Variants in ABCG1 observed in about 807,000 individuals in gnomAD.
The protein encoded by ABCG1 is ATP binding cassette subfamily G member 1, also known as ATP-binding cassette sub-family G member 1.
A neutral mutation model predicts 69.2 loss-of-function variants in ABCG1; 29 were observed. The observed-to-expected ratio is 0.42, with a 90% CI of 0.31 to 0.57. The LOEUF (loss-of-function observed/expected upper bound fraction) is 0.57, where lower values mean the gene tolerates loss of function less well. ABCG1 is among the 20% of genes least tolerant of loss of function. The pLI, the probability that ABCG1 is intolerant of heterozygous loss-of-function variation, is 0.15. For missense variants in ABCG1, 718 were observed against 898.1 expected (o/e 0.80, Z 2.56); for synonymous variants, 370 against 374.8 (o/e 0.99, Z 0.15).
At chr21:42,200,466 T>C (rs904570446) in intron 1 of ABCG1, among the ~76,000 whole-genome samples, 1 of 152,158 alleles carries the variant, frequency 6.6e-6, no homozygotes, top group Non-Finnish European at 1.5e-5. Context: ...CGTGCAGTCT[T>C]CATATATCAG....
chr21:42,294,535 A>C lies in ABCG1; in HGVS notation c.1654-7A>C. ...GCTACATCTGTCCTGTGTGCCCCCA[A>C]CTCCAGGTGGCCACTTTCGTGGGCC... On this transcript the variant is annotated splice_polypyrimidine_tract_variant and splice_region_variant and intron_variant, in intron 13 of 14. Coordinates refer to ENST00000398449, the MANE Select transcript of ABCG1 (RefSeq NM_016818.3). The C allele has an allele frequency of 6.2e-7, 1 of 1,611,140 alleles. No individual in the cohort carries two copies. Among genetic ancestry groups the C allele is most frequent in the Non-Finnish European group, 8.5e-7 (1 of 1,177,974 alleles).
intron 2 of ABCG1, among the ~76,000 whole-genome samples, chr21:42,260,711 T>G (rs192757138): frequency 1.5e-4 from 23 of 152,164 alleles, no homozygotes; most frequent in African/African-American, 5.5e-4. Context: ...GGAAGGAAAA[T>G]AGAGGCATCC....
intron 3 of ABCG1, among the ~76,000 whole-genome samples, chr21:42,272,475 G>A (rs1205954495): frequency 6.6e-6 from 1 of 152,240 alleles, no homozygotes; most frequent in Non-Finnish European, 1.5e-5. Flanking sequence ...AACAAGCTGA[G>A]TAAAGTTGGA....
At chr21:42,228,380 C>A (rs913957129) in intron 2 of ABCG1, among the ~76,000 whole-genome samples, 7 of 152,176 alleles carry the variant, frequency 4.6e-5, no homozygotes, top group Admixed American at 1.3e-4. Context: ...TGGCTTCCTA[C>A]CCACTGCCCT....
At chr21:42,285,772 G>A (rs2068927764) in intron 7 of ABCG1, 108 bp from the exon 8 acceptor site, 7 of 787,708 alleles carry the variant, frequency 8.9e-6, no homozygotes, top group Admixed American at 1.8e-5. Flanking sequence ...TGATCGCTGG[G>A]CTGACTGATT....
At chr21:42,285,505 C>CA (rs113652821) in intron 7 of ABCG1, among the ~76,000 whole-genome samples, 1,313 of 128,776 alleles carry the variant, frequency 0.01, 10 homozygotes, top group African/African-American at 0.028. Flanking sequence ...GACCCTGTAT[C>CA]AAAAAAAAAA....
intron 2 of ABCG1, among the ~76,000 whole-genome samples, chr21:42,237,779 T>C (rs1345779109): frequency 6.6e-6 from 1 of 152,216 alleles, no homozygotes; most frequent in East Asian, 1.9e-4. Flanking sequence ...CACCTCTGAC[T>C]AAGCTTCACG....
chr21:42,275,351 C>A lies in ABCG1; in HGVS notation c.538-1544C>A, dbSNP rs113625517. 2.2e-3 allele frequency among the ~76,000 whole-genome samples: 341 copies of A among 152,294 alleles called. 2 individuals are homozygous for A. Among genetic ancestry groups the A allele is most frequent in the African/African-American group, 7.5e-3 (313 of 41,558 alleles). On this transcript the variant is annotated intron_variant, in intron 4 of 14. Transcript: ENST00000398449. ...CTGGGCGGTGTGTGCCCCATGGAGC[C>A]CTGACTGCTGATCTGGCCTCCAAAT...
chr21:42,240,210 C>A (rs928376529), intron 2 of ABCG1, among the ~76,000 whole-genome samples: 1 of 152,202 alleles, frequency 6.6e-6, no homozygotes, highest in Non-Finnish European at 1.5e-5. Context: ...ACACGAGGCA[C>A]TGCTTCCATG....
chr21:42,285,511 A>G (rs1456130321), intron 7 of ABCG1, among the ~76,000 whole-genome samples: 2 of 152,134 alleles, frequency 1.3e-5, no homozygotes, highest in Non-Finnish European at 2.9e-5. Context: ...GTATCAAAAA[A>G]AAAAAAAGAT....
intron 2 of ABCG1, among the ~76,000 whole-genome samples, chr21:42,268,610 G>T (rs1354612903): frequency 4.6e-5 from 7 of 152,202 alleles, no homozygotes; most frequent in Admixed American, 4.6e-4. Flanking sequence ...TTAAAAAAAA[G>T]AAAGAAAGAA....
chr21:42,290,469 G>A (rs897957668), intron 11 of ABCG1, among the ~76,000 whole-genome samples: 2 of 152,190 alleles, frequency 1.3e-5, no homozygotes, highest in South Asian at 2.1e-4. Flanking sequence ...GCTGATGGGA[G>A]GGAGATTTCT....
At chr21:42,290,733 T>C (rs549941602) in intron 11 of ABCG1, among the ~76,000 whole-genome samples, 1 of 152,280 alleles carries the variant, frequency 6.6e-6, no homozygotes, top group South Asian at 2.1e-4. Context: ...TTCCCCTGAT[T>C]TCCAAGAGCA....
chr21:42,291,647 G>C lies in ABCG1; in HGVS notation c.1644G>C (p.Thr548=), dbSNP rs372146956. The change falls in exon 13 of 15, where the codon ACG becomes ACC. Residue 548 remains threonine (T), a synonymous_variant. Transcript: ENST00000398449. This position sits in a 1 kb window ranked among gnomAD's most constrained non-coding sequence, Gnocchi z 6.4. ...GCCTGCTGATCGGAGCCGCCTCCAC[G>C]TCCCTGCAGGTGCCAGCCCAGGAGG... is the stretch of plus-strand genomic sequence containing the variant. The part of the protein sequence containing the change: ...SLGLLIGAAS[T]SLQVATFVGP... The C allele has an allele frequency of 1.2e-5, 19 of 1,601,552 alleles. No individual in the cohort carries two copies. The African/African-American group carries it at 1.6e-4, about 14-fold the overall frequency.
chr21:42,276,394 G>A lies in ABCG1; in HGVS notation c.538-501G>A, dbSNP rs2123750454. ...TAACTCGCACCACTGGTTCCGCCCA[G>A]GCTGGTCGCCAAGCCCCTGATGCCT... On this transcript the variant is annotated intron_variant, in intron 4 of 14. Coordinates refer to ENST00000398449, the MANE Select transcript of ABCG1 (RefSeq NM_016818.3). This position sits in a 1 kb window ranked among gnomAD's most constrained non-coding sequence, Gnocchi z 5.3. The A allele has an allele frequency of 6.4e-6, 1 of 155,966 alleles. No homozygotes were observed. Among genetic ancestry groups the A allele is most frequent in the Non-Finnish European group, 1.4e-5 (1 of 70,160 alleles). The allele number at this position is 155,966 out of a possible 1,614,324, so 9.7% of individuals were successfully genotyped here.
chr21:42,234,085 T>G (rs979957374), intron 2 of ABCG1, among the ~76,000 whole-genome samples: 5 of 152,222 alleles, frequency 3.3e-5, no homozygotes, highest in African/African-American at 1.2e-4. Flanking sequence ...AAATCGTGTT[T>G]GCTTTATTTG....
Position 42,294,510 on chromosome 21 carries a change from G to A in ABCG1, c.1654-32G>A, listed in dbSNP as rs201252759. 6.2e-5 allele frequency: 98 copies of A among 1,571,998 alleles called. 1 individual carries two copies. In the East Asian group the frequency reaches 2.1e-3, roughly 34 times the overall value. On this transcript the variant is annotated intron_variant, in intron 13 of 14. Coordinates refer to ENST00000398449, the MANE Select transcript of ABCG1 (RefSeq NM_016818.3). ...TGCAGGAGGCCAGGCTGCAGGTTCT[G>A]CTACATCTGTCCTGTGTGCCCCCAA...
rs1370985086 is a variant in ABCG1, at chr21:42,219,915, A to G, written c.42+611A>G. 30 of 1,549,604 alleles carry G rather than the reference A, an allele frequency of 1.9e-5. No individual in the cohort carries two copies. Among genetic ancestry groups the G allele is most frequent in the Non-Finnish European group, 2.6e-5 (30 of 1,146,472 alleles). On this transcript the variant is annotated intron_variant, in intron 1 of 14. Transcript: ENST00000398449. The surrounding 1 kb of genome is among the most constrained non-coding windows in gnomAD (Gnocchi z 5.3). ...GGAGACCCGCGAGGGGCAAGCCCGG[A>G]TTCCTGCCGGCCGCCTTTCTGCGCG...
At chr21:42,283,321 A>G (rs1177168106) in intron 6 of ABCG1, among the ~76,000 whole-genome samples, 1 of 152,206 alleles carries the variant, frequency 6.6e-6, no homozygotes, top group Non-Finnish European at 1.5e-5. Context: ...ACCCTTGAAT[A>G]GCATCTTGCA....
Sources: allele counts gnomAD v4.1 joint callset (sites outside exome capture counted in the v4.1 genomes callset), GRCh38; gene constraint gnomAD v4.1.1; non-coding constraint Gnocchi (gnomAD v3.1); transcripts MANE v1.5; gene names NCBI Gene and HGNC (gene_info 2026-07-23, HGNC 2026-07-21).